The following USP12 variants were observed in gnomAD, a reference collection of about 807,000 sequenced individuals.
USP12 encodes the protein ubiquitin specific peptidase 12.
USP12 carries 19 observed loss-of-function variants against 45.5 expected under a neutral mutation model. The observed-to-expected ratio is 0.42, with a 90% CI of 0.29 to 0.61. USP12 has a LOEUF of 0.61. Among genes scored for constraint, USP12 ranks in the 20% least tolerant of loss-of-function variants. The probability of loss-of-function intolerance (pLI) is 0.22; values close to 1 mark genes in which losing one functional copy is unlikely to be tolerated. For synonymous variants in USP12, 149 were observed against 148.8 expected (o/e 1.00, Z -0.01); for missense variants, 242 against 447.7 (o/e 0.54, Z 4.15).
intron 1 of USP12, among the ~76,000 whole-genome samples, chr13:27,123,835 T>G (rs2137804006): frequency 6.6e-6 from 1 of 152,294 alleles, no homozygotes; most frequent in South Asian, 2.1e-4. Flanking sequence ...TTCACAACAG[T>G]ATGAAAATGG....
chr13:27,074,166 C>T (rs1221962702), intron 7 of USP12, among the ~76,000 whole-genome samples: 2 of 152,034 alleles, frequency 1.3e-5, no homozygotes, highest in African/African-American at 4.8e-5. Context: ...TTTGGGAGGC[C>T]GAGGCGGGCA....
intron 1 of USP12, among the ~76,000 whole-genome samples, chr13:27,170,654 G>A (rs1264442067): frequency 1.3e-5 from 2 of 152,208 alleles, no homozygotes; most frequent in African/African-American, 4.8e-5. Context: ...ACTTCCAGCG[G>A]GCATTAGCAC....
chr13:27,170,540 G>A (rs773609772), intron 1 of USP12, among the ~76,000 whole-genome samples: 2 of 152,208 alleles, frequency 1.3e-5, no homozygotes, highest in Admixed American at 6.5e-5. Context: ...AGCTCATGAG[G>A]AACTAATGAA....
At chr13:27,086,183 A>ATATATATATATAT (rs1555233200) in intron 6 of USP12, among the ~76,000 whole-genome samples, 2 of 39,312 alleles carry the variant, frequency 5.1e-5, no homozygotes, top group Non-Finnish European at 1.0e-4. Context: ...TTAAAAAAAA[A>ATATATATATATAT]AAAAAAAAAA....
At chr13:27,117,683 T>C (rs1028528471) in intron 1 of USP12, 3 of 515,952 alleles carry the variant, frequency 5.8e-6, no homozygotes, top group Admixed American at 3.9e-5. Flanking sequence ...ACTATATACC[T>C]GAGTGAGTGC....
chr13:27,081,235 A>G (rs1182988346), intron 6 of USP12, among the ~76,000 whole-genome samples: 1 of 152,166 alleles, frequency 6.6e-6, no homozygotes, highest in Non-Finnish European at 1.5e-5. Context: ...AATTGAGTCA[A>G]TCCTCTCAAA....
At chr13:27,161,787 CAGG>C (rs973238345) in intron 1 of USP12, among the ~76,000 whole-genome samples, 3 of 151,766 alleles carry the variant, frequency 2.0e-5, no homozygotes, top group African/African-American at 4.8e-5. Flanking sequence ...GAGGCTCAGG[CAGG>C]AGGATAGCTT....
intron 1 of USP12, among the ~76,000 whole-genome samples, chr13:27,120,939 A>AT (rs1209904193): frequency 7.9e-5 from 12 of 152,220 alleles, no homozygotes; most frequent in Non-Finnish European, 2.9e-5. Context: ...ACTACGAGAG[A>AT]TAAGCAAACA....
At chr13:27,122,446 T>C (rs963394574) in intron 1 of USP12, among the ~76,000 whole-genome samples, 1 of 151,754 alleles carries the variant, frequency 6.6e-6, no homozygotes, top group African/African-American at 2.4e-5. Flanking sequence ...GGGTACATCT[T>C]TATTGGCAGT....
chr13:27,130,964 G>A (rs780605557), intron 1 of USP12, among the ~76,000 whole-genome samples: 16 of 152,204 alleles, frequency 1.1e-4, no homozygotes, highest in Non-Finnish European at 2.2e-4. Context: ...AAAAATTCTG[G>A]ATGAAAAGAT....
At chr13:27,109,329 T>G (rs977170240) in intron 2 of USP12, among the ~76,000 whole-genome samples, 1 of 152,236 alleles carries the variant, frequency 6.6e-6, no homozygotes, top group African/African-American at 2.4e-5. Context: ...TTTTAATATA[T>G]CTTACCTCCT....
chr13:27,068,587 C>T lies in USP12; in HGVS notation c.*696G>A, dbSNP rs1380047363. ...ATGGGCACTTCATATAATACTTAGA[C>T]TCTACCAGTTTTAAGTAAAATAAAT... is the stretch of plus-strand genomic sequence containing the variant. On this transcript the variant is annotated 3_prime_UTR_variant, in exon 9 of 9. Coordinates refer to ENST00000282344, the MANE Select transcript of USP12 (RefSeq NM_182488.4). 3 of 152,146 alleles carry T rather than the reference C, an allele frequency of 2.0e-5. No homozygotes were observed. The highest frequency in any genetic ancestry group is 1.3e-4 in the Admixed American group (2 of 15,276). The allele number at this position is 152,146 out of a possible 1,614,324, so 9.4% of individuals were successfully genotyped here.
rs1241622678 is a variant in USP12 at position 27,171,634 on chromosome 13, T to A, written c.6A>T (p.Glu2Asp). ...CGAATTTGGAGACTGTCATTAGGAT[T>A]TCCATCCGGCCAGCGCCATCTTCCA... MEILMTVSKFAS... is the reference protein window; with the variant it reads MDILMTVSKFAS... The change falls in exon 1 of 9, where the codon GAA (glutamate) becomes GAT (aspartate). Residue 2 changes from glutamate to aspartate, a missense_variant. Glu to Asp is a conservative substitution (Grantham distance 45, BLOSUM62 2). This residue lies in a region of USP12 where 19 missense variants were observed against 16.1 expected (regional missense o/e 1.18). Transcript: ENST00000282344. The A allele has an allele frequency of 7.7e-7, 1 of 1,302,778 alleles. No homozygotes were observed. Among genetic ancestry groups the A allele is most frequent in the Non-Finnish European group, 1.0e-6 (1 of 994,308 alleles). The allele number at this position is 1,302,778 out of a possible 1,614,324, so 80.7% of individuals were successfully genotyped here.
chr13:27,083,946 C>A (rs7985407), intron 6 of USP12, among the ~76,000 whole-genome samples: 1 of 150,514 alleles, frequency 6.6e-6, no homozygotes, highest in Middle Eastern at 3.2e-3. Context: ...CTCACTGCAA[C>A]CTCTGCCTCC....
At chr13:27,147,610 A>C (rs1877365043) in intron 1 of USP12, among the ~76,000 whole-genome samples, 1 of 152,212 alleles carries the variant, frequency 6.6e-6, no homozygotes, top group Non-Finnish European at 1.5e-5. Flanking sequence ...TGATAATAAA[A>C]ATGCTGAAAG....
At chr13:27,093,285 G>C (rs907093019) in intron 4 of USP12, among the ~76,000 whole-genome samples, 4 of 144,148 alleles carry the variant, frequency 2.8e-5, no homozygotes, top group African/African-American at 1.0e-4. Context: ...ACCTGATTAT[G>C]AACTAGTAGC....
intron 7 of USP12, among the ~76,000 whole-genome samples, chr13:27,072,963 TAGTG>T (rs1335644625): frequency 2.0e-5 from 3 of 152,194 alleles, no homozygotes; most frequent in Non-Finnish European, 4.4e-5. Context: ...AGTCTTTTAT[TAGTG>T]AGCAAATTAT....
Position 27,122,465 on chromosome 13 carries a change from G to A in USP12, c.49-5869C>T, listed in dbSNP as rs183852023. Among the ~76,000 whole-genome samples the A allele has an allele frequency of 1.3e-4, 20 of 151,348 alleles. No homozygotes were observed. The East Asian group carries it at 3.0e-3, about 22-fold the overall frequency. ...ACATCTTTATTGGCAGTGTGGAAAC[G>A]GACTAATACACCCCATCTTTACCGA... On this transcript the variant is annotated intron_variant, in intron 1 of 8. Transcript: ENST00000282344.
chr13:27,159,722 C>T (rs1026021518), intron 1 of USP12, among the ~76,000 whole-genome samples: 3 of 152,194 alleles, frequency 2.0e-5, no homozygotes, highest in African/African-American at 7.2e-5. Flanking sequence ...CAAGTAGCCA[C>T]TCAATAAATG....
Sources: allele counts gnomAD v4.1 joint callset (sites outside exome capture counted in the v4.1 genomes callset), GRCh38; gene constraint gnomAD v4.1.1; regional missense constraint gnomAD v4.1.1; transcripts MANE v1.5; gene names NCBI Gene and HGNC (gene_info 2026-07-23, HGNC 2026-07-21).